DNAH11: variants seen among roughly 807,000 people sequenced by gnomAD.
DNAH11 encodes dynein axonemal heavy chain 11, also known as axonemal beta dynein heavy chain 11.
In DNAH11, 442 loss-of-function variants were observed where a neutral mutation model predicts 526.0. The observed-to-expected ratio is 0.84, with a 90% confidence interval of 0.78 to 0.91. The LOEUF (loss-of-function observed/expected upper bound fraction) is 0.91, where lower values mean the gene tolerates loss of function less well. Ranked by LOEUF, DNAH11 falls within the 40% of genes least tolerant of loss-of-function variation. The probability of loss-of-function intolerance (pLI) is 0.00; values close to 1 mark genes in which losing one functional copy is unlikely to be tolerated. For missense variants in DNAH11, 6,989 were observed against 5,448.7 expected (o/e 1.28, Z -8.90); for synonymous variants, 2,461 against 1,935.9 (o/e 1.27, Z -7.12).
intron 28 of DNAH11, among the ~76,000 whole-genome samples, chr7:21,647,729 C>G (rs886875214): frequency 6.6e-6 from 1 of 151,972 alleles, no homozygotes; most frequent in Non-Finnish European, 1.5e-5. Context: ...CTGCACCTGG[C>G]CTACAGTGGA....
At chr7:21,831,396 C>G (rs1053098034) in intron 65 of DNAH11, among the ~76,000 whole-genome samples, 2 of 151,934 alleles carry the variant, frequency 1.3e-5, no homozygotes, top group Admixed American at 1.3e-4. Flanking sequence ...GGAAATTAAC[C>G]AAAAATTAAT....
At chr7:21,612,412 G>T (rs959517602) in intron 20 of DNAH11, among the ~76,000 whole-genome samples, 5 of 151,834 alleles carry the variant, frequency 3.3e-5, no homozygotes, top group Non-Finnish European at 7.4e-5. Context: ...AAAATTAGCC[G>T]GGCGTGGTGG....
chr7:21,555,566 G>C (rs755575042), intron 2 of DNAH11, among the ~76,000 whole-genome samples: 1 of 152,200 alleles, frequency 6.6e-6, no homozygotes, highest in Non-Finnish European at 1.5e-5. Flanking sequence ...ATTGGGATTC[G>C]AACTCCGCAC....
At chr7:21,692,900 G>T (rs1366201874) in intron 35 of DNAH11, among the ~76,000 whole-genome samples, 1 of 152,110 alleles carries the variant, frequency 6.6e-6, no homozygotes, top group East Asian at 1.9e-4. Flanking sequence ...CCTAGGTTTA[G>T]TTTGCATCTC....
chr7:21,761,219 A>G (rs1289257047), intron 54 of DNAH11, among the ~76,000 whole-genome samples: 1 of 152,222 alleles, frequency 6.6e-6, no homozygotes, highest in African/African-American at 2.4e-5. Flanking sequence ...TTTTATGCTC[A>G]ATTTTTAGCA....
chr7:21,750,018 C>T (rs886238295), intron 53 of DNAH11, among the ~76,000 whole-genome samples: 3 of 152,090 alleles, frequency 2.0e-5, no homozygotes, highest in East Asian at 1.9e-4. Flanking sequence ...CTTACACGTA[C>T]GGGTGTAGAG....
chr7:21,878,614 A>G (rs1783802727), intron 74 of DNAH11, among the ~76,000 whole-genome samples: 1 of 152,198 alleles, frequency 6.6e-6, no homozygotes, highest in Non-Finnish European at 1.5e-5. Context: ...TGACCTAAAA[A>G]TGGCCTAGTG....
chr7:21,750,528 C>G (rs531275017), intron 54 of DNAH11, among the ~76,000 whole-genome samples, 164 bp downstream of exon 54: 5 of 152,222 alleles, frequency 3.3e-5, no homozygotes, highest in Non-Finnish European at 7.3e-5. Flanking sequence ...CCTAAAGTGT[C>G]CCATGATGCT....
At chr7:21,546,736 T>A (rs1256130835) in intron 2 of DNAH11, among the ~76,000 whole-genome samples, 1 of 152,190 alleles carries the variant, frequency 6.6e-6, no homozygotes, top group Non-Finnish European at 1.5e-5. Context: ...AAAGAAACAA[T>A]AATTGTGAAT....
At chr7:21,764,750 A>C (rs1562532661) in intron 54 of DNAH11, among the ~76,000 whole-genome samples, 1 of 152,252 alleles carries the variant, frequency 6.6e-6, no homozygotes, top group Admixed American at 6.5e-5. Context: ...CCCTAAAAAA[A>C]GTACGGAAGT....
At chr7:21,832,014 C>CG (rs1421798599) in intron 65 of DNAH11, among the ~76,000 whole-genome samples, 1 of 151,758 alleles carries the variant, frequency 6.6e-6, no homozygotes, top group African/African-American at 2.4e-5. Flanking sequence ...TGTTTGAACC[C>CG]GGGAGGCAGA....
At position 21,702,685 on chromosome 7, in the gene DNAH11, GAAAAT is replaced by G. The variant is rs776078588; in HGVS notation, c.6181-21_6181-17del. The G allele has an allele frequency of 5.7e-5, 92 of 1,603,548 alleles. No homozygotes were observed. The highest frequency in any genetic ancestry group is 7.3e-5 in the Non-Finnish European group (85 of 1,172,302). ...TCTTCTTCCCTCATACAATTTTTGAGAAAATAAACCTGTTTTGATTTTAGGATCAT... is the reference window on the plus strand; with the variant it reads ...TCTTCTTCCCTCATACAATTTTTGAGAAACCTGTTTTGATTTTAGGATCAT... On this transcript the variant is annotated intron_variant, in intron 36 of 81. Coordinates refer to ENST00000409508, the MANE Select transcript of DNAH11 (RefSeq NM_001277115.2).
In DNAH11 at chr7:21,600,790, T is replaced by A. The variant is rs773295029; in HGVS notation, c.3115T>A (p.Tyr1039Asn). 4.3e-6 allele frequency: 7 copies of A among 1,613,798 alleles called. No individual in the cohort carries two copies. Among genetic ancestry groups the A allele is most frequent in the Non-Finnish European group, 5.1e-6 (6 of 1,179,854 alleles). Residue 1039 changes from tyrosine (Y) to asparagine (N), a missense_variant, in exon 16 of 82, where the codon TAC becomes AAC. Tyr to Asn is a moderately radical substitution (Grantham distance 143). Transcript: ENST00000409508. ...CAGAAACACCCTGGAGACCCACACT[T>A]ACCTCTGGGTGGATGATCGAGCTGA... The part of the protein sequence containing the change: ...DFRNTLETHT[Y>N]LWVDDRAEFM...
intron 63 of DNAH11, 148 bp from the exon 64 acceptor site, chr7:21,816,319 T>C: frequency 1.6e-6 from 1 of 641,070 alleles, no homozygotes; most frequent in Admixed American, 2.8e-5. Context: ...CATCTAATGA[T>C]GAGTTGTGTT....
At chr7:21,559,419 T>G (rs1469794081) in intron 3 of DNAH11, among the ~76,000 whole-genome samples, 184 bp from the exon 4 acceptor site, 2 of 152,196 alleles carry the variant, frequency 1.3e-5, no homozygotes, top group Non-Finnish European at 2.9e-5. Context: ...TTTTTGAGGT[T>G]AGAGATATGT....
At chr7:21,705,438 C>T in intron 38 of DNAH11, 22 bp from the exon 39 acceptor site, 1 of 1,612,828 alleles carries the variant, frequency 6.2e-7, no homozygotes. Flanking sequence ...AGGAAACCAG[C>T]AACCAGCTGT....
intron 63 of DNAH11, among the ~76,000 whole-genome samples, chr7:21,812,611 A>C (rs1156981243): frequency 6.6e-6 from 1 of 152,156 alleles, no homozygotes; most frequent in East Asian, 1.9e-4. Context: ...CTATGATGGC[A>C]CCACTGAACT....
rs886038472 is a variant in DNAH11 at position 21,720,707 on chromosome 7, C to T, written c.7135-18C>T. The stretch of plus-strand genomic sequence containing the variant: ...TTTAAAAAAATGTTGCCTTATTTGA[C>T]TATTTCTTTTTCTTTAGACTCTATG... On this transcript the variant is annotated intron_variant, in intron 43 of 81. Coordinates refer to ENST00000409508, the MANE Select transcript of DNAH11 (RefSeq NM_001277115.2). 7 of 1,537,876 alleles carry T rather than the reference C, an allele frequency of 4.6e-6. No homozygotes were observed. The highest frequency in any genetic ancestry group is 2.1e-5 in the Admixed American group (1 of 46,780).
intron 45 of DNAH11, among the ~76,000 whole-genome samples, chr7:21,726,790 G>A (rs1785126827): frequency 7.8e-6 from 1 of 128,828 alleles, no homozygotes; most frequent in Non-Finnish European, 1.6e-5. Flanking sequence ...GAACCTGGGA[G>A]GCGGAGGTCG....
Sources: gnomAD v4.1 joint callset for allele counts (sites outside exome capture counted in the v4.1 genomes callset) on GRCh38, gnomAD v4.1.1 for gene constraint, MANE v1.5 for transcripts, NCBI Gene and HGNC (gene_info 2026-07-23, HGNC 2026-07-21) for gene names.